The following SLX4 variants were observed in gnomAD, a reference collection of about 807,000 sequenced individuals.
The protein encoded by SLX4 is structure-specific endonuclease subunit SLX4.
SLX4 carries 112 observed loss-of-function variants against 146.2 expected under a neutral mutation model. That is an observed-to-expected ratio of 0.77 (90% CI 0.66 to 0.90). SLX4 has a LOEUF of 0.90. Ranked by LOEUF, SLX4 falls within the 40% of genes least tolerant of loss-of-function variation. SLX4 has a pLI of 0.00. For synonymous variants in SLX4, 1,061 were observed against 997.7 expected (o/e 1.06, Z -1.20); for missense variants, 2,563 against 2,392.7 (o/e 1.07, Z -1.49).
At position 3,590,446 on chromosome 16, in the gene SLX4, T is replaced by A. The variant is rs2151124096; in HGVS notation, c.3192A>T (p.Gly1064=). The A allele has an allele frequency of 6.2e-7, 1 of 1,614,132 alleles. No homozygotes were observed. The highest frequency in any genetic ancestry group is 8.5e-7 in the Non-Finnish European group (1 of 1,180,000). ...AGGTTGGGGAGCCCACCTGGGAAGT[T>A]CCGCCACGGGACCGGGGTGTTGACA... ...SSLSTPRSRG[G]TSQVGSPTLL... The change falls in exon 12 of 15, where the codon GGA becomes GGT. Residue 1064 remains glycine, a synonymous_variant. Transcript: ENST00000294008. This position sits in a 1 kb window ranked among gnomAD's most constrained non-coding sequence, Gnocchi z 4.8.
intron 10 of SLX4, 36 bp from the exon 11 acceptor site, chr16:3,592,901 C>CA (rs930439875): frequency 3.1e-5 from 49 of 1,589,892 alleles, no homozygotes; most frequent in Non-Finnish European, 3.7e-5. Flanking sequence ...GTTTACTGAT[C>CA]AGAGAGTTGT....
In SLX4 at chr16:3,608,609, C is replaced by G; in HGVS notation, c.356G>C (p.Arg119Thr). ...KKPPSGSQAP[R>T]TKKQRVTKWQ... ...TTTGGTTACCCTTTGCTTTTTAGTC[C>G]TAGGGGCCTGGCTGCCAGACGGAGG... Residue 119 changes from arginine to threonine, a missense_variant, in exon 2 of 15, where the codon AGG becomes ACG. Coordinates refer to ENST00000294008, the MANE Select transcript of SLX4 (RefSeq NM_032444.4). The G allele has an allele frequency of 1.2e-6, 2 of 1,614,110 alleles. No homozygotes were observed. The highest frequency in any genetic ancestry group is 1.7e-6 in the Non-Finnish European group (2 of 1,180,008).
intron 10 of SLX4, among the ~76,000 whole-genome samples, chr16:3,593,911 G>A (rs970051947): frequency 2.6e-5 from 4 of 152,218 alleles, no homozygotes; most frequent in Non-Finnish European, 2.9e-5. Flanking sequence ...TTGCTCTGTC[G>A]CCCAGGCTGG....
rs767945770 is a variant in SLX4 at position 3,589,035 on chromosome 16, C to T, written c.4603G>A (p.Gly1535Arg). 6.2e-7 allele frequency: 1 copy of T among 1,614,176 alleles called. No homozygotes were observed. The highest frequency in any genetic ancestry group is 1.1e-5 in the South Asian group (1 of 91,088). The change falls in exon 12 of 15, where the codon GGA (glycine) becomes AGA (arginine). Residue 1535 changes from glycine (G) to arginine (R), a missense_variant. Transcript: ENST00000294008. This position sits in a 1 kb window ranked among gnomAD's most constrained non-coding sequence, Gnocchi z 6.2. ...TCTAACCCTTCGGGCTTCTGAGCTC[C>T]ACCAGCGCTTGGCATCTGGGCCGGA... ...PPPAQMPSAGGAQKPEGLETP... is the reference protein window; with the variant it reads ...PPPAQMPSAGRAQKPEGLETP...
chr16:3,598,982 G>T (rs557266090), intron 5 of SLX4, among the ~76,000 whole-genome samples: 3 of 152,330 alleles, frequency 2.0e-5, no homozygotes, highest in South Asian at 4.1e-4. Flanking sequence ...AAGACCCCAT[G>T]AGGGCATCCA....
At chr16:3,598,240 C>T (rs1249557959) in intron 5 of SLX4, among the ~76,000 whole-genome samples, 2 of 152,228 alleles carry the variant, frequency 1.3e-5, no homozygotes, top group Non-Finnish European at 2.9e-5. Flanking sequence ...CCAGCAGGCT[C>T]ATGGCAGATG....
At chr16:3,606,422 A>G (rs926127588) in intron 3 of SLX4, 52 bp downstream of exon 3, 7 of 1,591,442 alleles carry the variant, frequency 4.4e-6, no homozygotes, top group Non-Finnish European at 6.0e-6. Flanking sequence ...TCCCTTCCTC[A>G]GAGTTGTATT....
rs2151125133 is a variant in SLX4 at position 3,590,853 on chromosome 16, G to C, written c.2785C>G (p.Pro929Ala). 1.2e-6 allele frequency: 2 copies of C among 1,614,112 alleles called. No homozygotes were observed. Among genetic ancestry groups the C allele is most frequent in the South Asian group, 1.1e-5 (1 of 91,088 alleles). The change falls in exon 12 of 15, where the codon CCG (proline) becomes GCG (alanine). Residue 929 changes from proline to alanine, a missense_variant. Transcript: ENST00000294008. The surrounding 1 kb of genome is among the most constrained non-coding windows in gnomAD (Gnocchi z 4.8). ...CCTGAGTGCTGGCCCTGGGGTGGCGGGAGAGCGCACTGTCCCATCTTCTCC... is the reference window on the plus strand; with the variant it reads ...CCTGAGTGCTGGCCCTGGGGTGGCGCGAGAGCGCACTGTCCCATCTTCTCC... ...TWEKMGQCAL[P>A]PPQGQHSGAR...
intron 3 of SLX4, among the ~76,000 whole-genome samples, chr16:3,605,373 G>A (rs1427291754): frequency 1.3e-5 from 2 of 152,036 alleles, no homozygotes; most frequent in African/African-American, 4.8e-5. Context: ...ACAGGCGTGA[G>A]CCACCACGCC....
intron 5 of SLX4, chr16:3,600,636 C>T (rs2040716016): frequency 7.9e-6 from 1 of 125,866 alleles, no homozygotes; most frequent in Non-Finnish European, 1.5e-5. Context: ...CAGGATCTCA[C>T]TCTGTCCAGG....
intron 3 of SLX4, among the ~76,000 whole-genome samples, chr16:3,603,273 CCT>C (rs2040747848): frequency 6.6e-6 from 1 of 152,210 alleles, no homozygotes; most frequent in African/African-American, 2.4e-5. Context: ...GAATTCCTGA[CCT>C]CAGGTGATCT....
chr16:3,602,026 T>C, intron 4 of SLX4, 92 bp downstream of exon 4: 1 of 1,478,552 alleles, frequency 6.8e-7, no homozygotes, highest in Admixed American at 1.7e-5. Flanking sequence ...GCTGTTGTCA[T>C]GGTAAGGTGT....
intron 1 of SLX4, among the ~76,000 whole-genome samples, chr16:3,610,726 A>G (rs112184143): frequency 8.5e-5 from 13 of 152,360 alleles, no homozygotes; most frequent in African/African-American, 2.9e-4. Context: ...GTAGAGATCC[A>G]TCTATTACTT....
rs945143502 is a variant in SLX4 at position 3,602,211 on chromosome 16, T to C, written c.857A>G (p.Asp286Gly). The C allele has an allele frequency of 2.5e-6, 4 of 1,614,180 alleles. No homozygotes were observed. Among genetic ancestry groups the C allele is most frequent in the Non-Finnish European group, 3.4e-6 (4 of 1,180,024 alleles). Reference sequence around the variant, plus strand: ...GAACAAACCCTTTTCCTCCAGGCTATCATCATGTGCCGATGCTCCTACCCG... The same window carrying C: ...GAACAAACCCTTTTCCTCCAGGCTACCATCATGTGCCGATGCTCCTACCCG... ...FARVGASAHDDSLEEKGLFFC... is the reference protein window; with the variant it reads ...FARVGASAHDGSLEEKGLFFC... The change falls in exon 4 of 15, where the codon GAT becomes GGT. Residue 286 changes from aspartate to glycine, a missense_variant. Coordinates refer to ENST00000294008, the MANE Select transcript of SLX4 (RefSeq NM_032444.4).
rs760477564 is a variant in SLX4 at position 3,606,657 on chromosome 16, A to T, written c.577T>A (p.Leu193Met). ...GAGGGACTTGGCACTGCTGTTGTCA[A>T]ACAGGAAGGAGGAGGCTGGGAGTCG... Reference protein sequence around the residue: ...NSDSQPPPSCLTTAVPSPSKP... With the variant: ...NSDSQPPPSCMTTAVPSPSKP... The change falls in exon 3 of 15, where the codon TTG becomes ATG. Residue 193 changes from leucine to methionine, a missense_variant. Physicochemically the swap from Leu to Met is conservative, Grantham distance 15. Coordinates refer to ENST00000294008, the MANE Select transcript of SLX4 (RefSeq NM_032444.4). 3.7e-6 allele frequency: 6 copies of T among 1,614,076 alleles called. No individual in the cohort carries two copies. The highest frequency in any genetic ancestry group is 5.1e-6 in the Non-Finnish European group (6 of 1,180,050).
At chr16:3,591,341 C>G in intron 11 of SLX4, 31 bp from the exon 12 acceptor site, 2 of 1,605,830 alleles carry the variant, frequency 1.2e-6, no homozygotes, top group Non-Finnish European at 1.7e-6. Flanking sequence ...AGTCATCGCC[C>G]CTCTGCGTGG....
In SLX4 at chr16:3,582,539, C is replaced by T. The variant is rs770569508; in HGVS notation, c.5308G>A (p.Val1770Met). The T allele has an allele frequency of 1.9e-6, 3 of 1,613,984 alleles. No homozygotes were observed. In the Admixed American group the frequency reaches 5.0e-5, roughly 27 times the overall value. The change falls in exon 15 of 15, where the codon GTG (valine) becomes ATG (methionine). Residue 1770 changes from valine (V) to methionine (M), a missense_variant. By Grantham distance (21) the Val-to-Met change is conservative (BLOSUM62 1). Coordinates refer to ENST00000294008, the MANE Select transcript of SLX4 (RefSeq NM_032444.4). ...IRSKPALYQK[V>M]LLYQPFELRE... is the part of the protein sequence containing the mutation. Reference sequence around the variant, plus strand: ...AGCTCAAAGGGCTGGTACAGCAGCACCTTCTGGTACAGGGCCGGCTTGGAG... The same window carrying T: ...AGCTCAAAGGGCTGGTACAGCAGCATCTTCTGGTACAGGGCCGGCTTGGAG...
At position 3,590,322 on chromosome 16, in the gene SLX4, C is replaced by T. The variant is rs200057338; in HGVS notation, c.3316G>A (p.Val1106Met). 1.8e-5 allele frequency: 29 copies of T among 1,614,084 alleles called. No homozygotes were observed. The highest frequency in any genetic ancestry group is 3.3e-5 in the South Asian group (3 of 91,088). ...ACCCCCTTATTTCTGCACTCCAGCACGGACCGACGCTCTTTGCCTTTCTGG... is the reference window on the plus strand; with the variant it reads ...ACCCCCTTATTTCTGCACTCCAGCATGGACCGACGCTCTTTGCCTTTCTGG... The part of the protein sequence containing the change: ...GHQKGKERRS[V>M]LECRNKGVLM... The change falls in exon 12 of 15, where the codon GTG becomes ATG. Residue 1106 changes from valine (V) to methionine (M), a missense_variant. Coordinates refer to ENST00000294008, the MANE Select transcript of SLX4 (RefSeq NM_032444.4). The surrounding 1 kb of genome is among the most constrained non-coding windows in gnomAD (Gnocchi z 4.8).
At chr16:3,584,422 CA>C (rs112619699) in intron 13 of SLX4, among the ~76,000 whole-genome samples, 26 of 149,260 alleles carry the variant, frequency 1.7e-4, no homozygotes, top group African/African-American at 5.1e-4. Flanking sequence ...CTCTGTCTTT[CA>C]AAAAAAAAAT....
Sources: gnomAD v4.1 joint callset for allele counts (sites outside exome capture counted in the v4.1 genomes callset) on GRCh38, gnomAD v4.1.1 for gene constraint, Gnocchi (gnomAD v3.1) non-coding constraint, MANE v1.5 for transcripts, NCBI Gene and HGNC (gene_info 2026-07-23, HGNC 2026-07-21) for gene names.